PDS5B: variants seen among roughly 807,000 people sequenced by gnomAD.
The protein encoded by PDS5B is PDS5 cohesin associated factor B, also known as sister chromatid cohesion protein PDS5 homolog B.
A neutral mutation model predicts 184.1 loss-of-function variants in PDS5B; 51 were observed. The ratio of observed to expected loss-of-function variants is 0.28; its 90% CI spans 0.22 to 0.35. The LOEUF is 0.35. Among genes scored for constraint, PDS5B ranks in the 10% least tolerant of loss-of-function variants. PDS5B has a pLI of 1.00. For synonymous variants in PDS5B, 566 were observed against 569.2 expected (o/e 0.99, Z 0.08); for missense variants, 1,180 against 1,723.3 (o/e 0.68, Z 5.58).
chr13:32,681,374 G>C (rs1051231576), intron 10 of PDS5B, among the ~76,000 whole-genome samples: 6 of 152,146 alleles, frequency 3.9e-5, no homozygotes, highest in African/African-American at 1.4e-4. Context: ...TGTAATCCCT[G>C]CACTTTGGGA....
At chr13:32,774,975 T>TC in intron 34 of PDS5B, 42 bp from the exon 35 acceptor site, 1 of 1,559,876 alleles carries the variant, frequency 6.4e-7, no homozygotes, top group South Asian at 1.1e-5. Flanking sequence ...CTTATGCACA[T>TC]ATACCCATTT....
At chr13:32,665,380 A>G (rs1288393643) in intron 6 of PDS5B, among the ~76,000 whole-genome samples, 1 of 151,938 alleles carries the variant, frequency 6.6e-6, no homozygotes, top group Non-Finnish European at 1.5e-5. Context: ...TCACGAGGTC[A>G]GGAGATCAAG....
intron 17 of PDS5B, among the ~76,000 whole-genome samples, chr13:32,702,174 T>G (rs1951880952): frequency 6.6e-6 from 1 of 152,194 alleles, no homozygotes; most frequent in Admixed American, 6.5e-5. Context: ...TTTTTCATCT[T>G]ATGCTCAAAC....
intron 31 of PDS5B, among the ~76,000 whole-genome samples, chr13:32,768,736 T>G (rs1954667007): frequency 7.0e-6 from 1 of 142,256 alleles, no homozygotes; most frequent in Non-Finnish European, 1.5e-5. Context: ...GAGGTTGCAG[T>G]GAGCCAAGAT....
At chr13:32,621,151 C>T (rs1297178283) in intron 1 of PDS5B, among the ~76,000 whole-genome samples, 2 of 152,140 alleles carry the variant, frequency 1.3e-5, no homozygotes, top group African/African-American at 2.4e-5. Context: ...TCATGTCAAA[C>T]TTATACTTGT....
In PDS5B at chr13:32,723,234, T is replaced by G. The variant is rs146703992; in HGVS notation, c.2124-8867T>G. ...AAAATGTTTCCAAATACTGTGTATT[T>G]TATATCCTTACTTATTAATGTCTGT... On this transcript the variant is annotated intron_variant, in intron 19 of 34. Coordinates refer to ENST00000315596, the MANE Select transcript of PDS5B (RefSeq NM_015032.4). Among the ~76,000 whole-genome samples the G allele has an allele frequency of 2.8e-3, 424 of 152,316 alleles. 2 individuals carry two copies. Among genetic ancestry groups the G allele is most frequent in the African/African-American group, 9.2e-3 (382 of 41,564 alleles).
At position 32,741,064 on chromosome 13, in the gene PDS5B, T is replaced by TC. The variant is rs1555314395; in HGVS notation, c.2407-15dup. 2.4e-4 allele frequency: 334 copies of TC among 1,377,204 alleles called. 2 individuals are homozygous for TC. Among genetic ancestry groups the TC allele is most frequent in the African/African-American group, 2.4e-3 (162 of 68,128 alleles). The allele number at this position is 1,377,204 out of a possible 1,614,324, so 85.3% of individuals were successfully genotyped here. Reference sequence around the variant, plus strand: ...TTAAAGTCCCTGGTTTTTTTTTTTTTCTCGTTTATTTTTAGCTTCCAGGGA... The same window carrying TC: ...TTAAAGTCCCTGGTTTTTTTTTTTTTCCTCGTTTATTTTTAGCTTCCAGGGA... On this transcript the variant is annotated splice_polypyrimidine_tract_variant and intron_variant, in intron 21 of 34. Transcript: ENST00000315596.
At chr13:32,709,483 G>A (rs963700531) in intron 18 of PDS5B, among the ~76,000 whole-genome samples, 11 of 151,848 alleles carry the variant, frequency 7.2e-5, no homozygotes, top group Non-Finnish European at 1.2e-4. Context: ...TTATTCTAAT[G>A]TTCGTACCAT....
chr13:32,733,316 AG>A (rs1953190332), intron 20 of PDS5B, among the ~76,000 whole-genome samples: 1 of 152,154 alleles, frequency 6.6e-6, no homozygotes, highest in Admixed American at 6.5e-5. Context: ...TCCTGAGAAA[AG>A]GTTTCTTAGA....
At chr13:32,757,361 A>G (rs1019705326) in intron 26 of PDS5B, among the ~76,000 whole-genome samples, 1 of 152,138 alleles carries the variant, frequency 6.6e-6, no homozygotes, top group African/African-American at 2.4e-5. Flanking sequence ...TCCTATACCT[A>G]AGTTCCTAAA....
At chr13:32,627,075 A>C (rs1259729982) in intron 1 of PDS5B, among the ~76,000 whole-genome samples, 1 of 152,190 alleles carries the variant, frequency 6.6e-6, no homozygotes, top group East Asian at 1.9e-4. Flanking sequence ...TACCTTCAAA[A>C]AGAAGGTAGA....
At position 32,694,237 on chromosome 13, in the gene PDS5B, T is replaced by C; in HGVS notation, c.1484T>C (p.Met495Thr). 1 of 1,602,956 alleles carries C rather than the reference T, an allele frequency of 6.2e-7. No homozygotes were observed. Among genetic ancestry groups the C allele is most frequent in the Non-Finnish European group, 8.5e-7 (1 of 1,174,506 alleles). ...DLNAVKALNE[M>T]WKCQNLLRHQ... ...GTGTTTTTCAGAGCATTGAATGAAA[T>C]GTGGAAATGTCAAAATCTGCTCCGA... Residue 495 changes from methionine to threonine, a missense_variant, in exon 14 of 35, where the codon ATG becomes ACG. This residue lies in a region of PDS5B where 475 missense variants were observed against 691.5 expected (regional missense o/e 0.69). Transcript: ENST00000315596.
chr13:32,587,316 G>C (rs2140449802), intron 1 of PDS5B, among the ~76,000 whole-genome samples: 1 of 152,228 alleles, frequency 6.6e-6, no homozygotes, highest in Non-Finnish European at 1.5e-5. Flanking sequence ...CGAGCAGCCA[G>C]TTGAGGAAGA....
intron 14 of PDS5B, among the ~76,000 whole-genome samples, chr13:32,694,874 G>T: frequency 6.7e-6 from 1 of 149,172 alleles, no homozygotes; most frequent in African/African-American, 2.5e-5. Flanking sequence ...AATGCTGTAT[G>T]TAGACATGTA....
intron 1 of PDS5B, among the ~76,000 whole-genome samples, chr13:32,603,853 A>G (rs532022634): frequency 4.3e-4 from 66 of 152,252 alleles, no homozygotes; most frequent in African/African-American, 1.5e-3. Flanking sequence ...GCAATTGTGA[A>G]TGGGAGTTCA....
At chr13:32,705,893 C>G (rs145311178) in intron 17 of PDS5B, among the ~76,000 whole-genome samples, 2,370 of 152,222 alleles carry the variant, frequency 0.016, 37 homozygotes, top group South Asian at 0.062. Flanking sequence ...TCTTGAACTC[C>G]TGGCCTCAAG....
intron 8 of PDS5B, 104 bp downstream of exon 8, chr13:32,673,460 GA>G (rs1950987439): frequency 1.1e-6 from 1 of 909,432 alleles, no homozygotes; most frequent in African/African-American, 1.7e-5. Flanking sequence ...TGTAAGAGAT[GA>G]GGGGGAAGTA....
intron 1 of PDS5B, among the ~76,000 whole-genome samples, chr13:32,597,388 A>G (rs1207802246): frequency 6.6e-6 from 1 of 151,904 alleles, no homozygotes; most frequent in Admixed American, 6.6e-5. Flanking sequence ...GGGATCTTCA[A>G]TACAACATTG....
intron 1 of PDS5B, among the ~76,000 whole-genome samples, chr13:32,624,924 A>G (rs1171882283): frequency 6.6e-6 from 1 of 152,112 alleles, no homozygotes; most frequent in Admixed American, 6.6e-5. Flanking sequence ...TAAGAGACAG[A>G]TGGTGAGTGT....
Sources: gnomAD v4.1 joint callset for allele counts (sites outside exome capture counted in the v4.1 genomes callset) on GRCh38, gnomAD v4.1.1 for gene constraint, gnomAD v4.1.1 regional missense constraint, MANE v1.5 for transcripts, NCBI Gene and HGNC (gene_info 2026-07-23, HGNC 2026-07-21) for gene names.